Variants in NASP observed in about 807,000 individuals in gnomAD.
NASP encodes the protein nuclear autoantigenic sperm protein.
Under a neutral mutation model 89.5 loss-of-function variants are expected in NASP, and 24 were observed. That is an observed-to-expected ratio of 0.27 (90% confidence interval 0.19 to 0.38). The LOEUF (loss-of-function observed/expected upper bound fraction) is 0.38, where lower values mean the gene tolerates loss of function less well. NASP is among the 10% of genes least tolerant of loss of function. NASP has a pLI of 1.00. For missense variants in NASP, 848 were observed against 921.4 expected, an observed-to-expected ratio of 0.92 and a Z score of 1.03; for synonymous variants, 306 against 324.7, an observed-to-expected ratio of 0.94 and a Z score of 0.62.
intron 3 of NASP, among the ~76,000 whole-genome samples, 198 bp downstream of exon 3, chr1:45,602,563 T>C (rs1277375954): frequency 6.6e-6 from 1 of 151,776 alleles, no homozygotes; most frequent in Non-Finnish European, 1.5e-5. Flanking sequence ...TTTTCCTGAG[T>C]ATGTAATTTG....
chr1:45,591,243 C>T lies in NASP; in HGVS notation c.80C>T (p.Pro27Leu). 6.5e-7 allele frequency: 1 copy of T among 1,545,534 alleles called. No individual in the cohort carries two copies. The highest frequency in any genetic ancestry group is 1.3e-5 in the South Asian group (1 of 78,774). ...SADKIEDVPA[P>L]STSADKVESL... ...TACAGAATTGAAGATGTTCCTGCTC[C>T]TTCTACATCTGCAGATAAAGTGGAG... is the stretch of plus-strand genomic sequence containing the variant. The change falls in exon 2 of 15, where the codon CCT becomes CTT. Residue 27 changes from proline to leucine, a missense_variant. Physicochemically the swap from Pro to Leu is moderately conservative, Grantham distance 98. Around this residue, in one of 5 missense-constraint regions of NASP, gnomAD observed 89 missense variants for 79.2 expected, o/e 1.12. Transcript: ENST00000350030.
rs778891257 is a variant in NASP at position 45,607,575 on chromosome 1, C to A, written c.664C>A (p.Pro222Thr). 3.1e-6 allele frequency: 5 copies of A among 1,613,784 alleles called. No individual in the cohort carries two copies. Among genetic ancestry groups the A allele is most frequent in the Non-Finnish European group, 1.7e-6 (2 of 1,179,858 alleles). Residue 222 changes from proline to threonine, a missense_variant, in exon 6 of 15, where the codon CCG (proline) becomes ACG (threonine). This residue lies in a region of NASP where 464 missense variants were observed against 469.4 expected (regional missense o/e 0.99). Coordinates refer to ENST00000350030, the MANE Select transcript of NASP (RefSeq NM_002482.4). ...AAAAGGAGGAGCAGCACCAGAAGGA[C>A]CGAATGAAGCTGAGGTCACTTCTGG... The part of the protein sequence containing the change: ...EAKGGAAPEG[P>T]NEAEVTSGKP...
chr1:45,586,218 C>T (rs1277297473), intron 1 of NASP, among the ~76,000 whole-genome samples: 1 of 149,530 alleles, frequency 6.7e-6, no homozygotes. Flanking sequence ...CCATCTCGGC[C>T]CCCTGCAGCC....
chr1:45,607,768 T>C lies in NASP; in HGVS notation c.857T>C (p.Leu286Pro). ...EVSEEQPVVT[L>P]EKQGTAVEVE... ...TCAGAAGAGCAGCCTGTGGTGACTC[T>C]AGAAAAGCAGGGCACTGCAGTGGAG... Residue 286 changes from leucine to proline, a missense_variant, in exon 6 of 15, where the codon CTA becomes CCA. Physicochemically the swap from Leu to Pro is moderately conservative, Grantham distance 98 (BLOSUM62 -3). Coordinates refer to ENST00000350030, the MANE Select transcript of NASP (RefSeq NM_002482.4). The C allele has an allele frequency of 1.2e-6, 2 of 1,614,064 alleles. No homozygotes were observed. The highest frequency in any genetic ancestry group is 8.5e-7 in the Non-Finnish European group (1 of 1,180,008).
At chr1:45,606,702 G>A in intron 5 of NASP, 111 bp downstream of exon 5, 2 of 646,856 alleles carry the variant, frequency 3.1e-6, no homozygotes, top group Non-Finnish European at 5.3e-6. Context: ...AAGATGCTTG[G>A]GGTGATGATG....
At position 45,613,153 on chromosome 1, in the gene NASP, G is replaced by A. The variant is rs1178291587; in HGVS notation, c.1427-16G>A. On this transcript the variant is annotated splice_polypyrimidine_tract_variant and intron_variant, in intron 6 of 14. Coordinates refer to ENST00000350030, the MANE Select transcript of NASP (RefSeq NM_002482.4). Reference sequence around the variant, plus strand: ...TCTTAGTTATATTCTCAATACTGAGGAATTTTTACTTGTAGAAACTGAAGG... The same window carrying A: ...TCTTAGTTATATTCTCAATACTGAGAAATTTTTACTTGTAGAAACTGAAGG... 6.3e-7 allele frequency: 1 copy of A among 1,599,274 alleles called. No individual in the cohort carries two copies. The highest frequency in any genetic ancestry group is 1.1e-5 in the South Asian group (1 of 88,674).
intron 2 of NASP, among the ~76,000 whole-genome samples, chr1:45,592,998 A>G (rs1156579387): frequency 1.3e-5 from 2 of 152,310 alleles, no homozygotes; most frequent in Non-Finnish European, 1.5e-5. Flanking sequence ...TTATTTTCAC[A>G]TCACTCTAAT....
At chr1:45,586,295 GTGTGT>G (rs1644546782) in intron 1 of NASP, among the ~76,000 whole-genome samples, 1 of 95,000 alleles carries the variant, frequency 1.1e-5, no homozygotes, top group Non-Finnish European at 2.1e-5. Flanking sequence ...GTGTGTGTGT[GTGTGT>G]GTGTGTGTGG....
intron 6 of NASP, 101 bp from the exon 7 acceptor site, chr1:45,613,068 C>T (rs1644042619): frequency 3.5e-6 from 5 of 1,437,378 alleles, no homozygotes; most frequent in Non-Finnish European, 3.7e-6. Flanking sequence ...AGCATCTGGC[C>T]TGTCCTATCT....
chr1:45,601,193 T>C (rs551031091), intron 2 of NASP, among the ~76,000 whole-genome samples: 3 of 152,314 alleles, frequency 2.0e-5, no homozygotes, highest in East Asian at 3.9e-4. Flanking sequence ...TGATTTTTTT[T>C]CCTCTTGTTA....
chr1:45,604,939 T>A lies in NASP; in HGVS notation c.222T>A (p.Gly74=), dbSNP rs757799601. The A allele has an allele frequency of 6.2e-7, 1 of 1,606,768 alleles. No individual in the cohort carries two copies. The highest frequency in any genetic ancestry group is 1.1e-5 in the South Asian group (1 of 90,828). ...TAGATGTTTATTCTCTTTGTAGAGG[T>A]AAGAAGTATGGAGAGACAGCTAATG... The part of the protein sequence containing the change: ...NAFQEAASLL[G]KKYGETANEC... The change falls in exon 4 of 15, where the codon GGT becomes GGA. Residue 74 remains glycine, a synonymous_variant. Coordinates refer to ENST00000350030, the MANE Select transcript of NASP (RefSeq NM_002482.4).
Position 45,599,091 on chromosome 1 carries a change from C to CT in NASP, c.108-3155dup, listed in dbSNP as rs200776720. 6.5e-4 allele frequency among the ~76,000 whole-genome samples: 98 copies of CT among 151,238 alleles called. 1 individual carries two copies. The East Asian group carries it at 0.016, about 25-fold the overall frequency. On this transcript the variant is annotated intron_variant, in intron 2 of 14. Transcript: ENST00000350030. ...TGTCTAGATTTTTACGGTTTCTTTC[C>CT]TTTTTTTTTAAATAGAGAAAGAGTG...
chr1:45,615,466 A>G lies in NASP; in HGVS notation c.2017A>G (p.Thr673Ala), dbSNP rs189842615. The change falls in exon 11 of 15, where the codon ACT (threonine) becomes GCT (alanine). Residue 673 changes from threonine (T) to alanine (A), a missense_variant. Physicochemically the swap from Thr to Ala is moderately conservative, Grantham distance 58. Around this residue, in one of 5 missense-constraint regions of NASP, gnomAD observed 218 missense variants for 219.6 expected, o/e 0.99. Coordinates refer to ENST00000350030, the MANE Select transcript of NASP (RefSeq NM_002482.4). ...GNVAELALKA[T>A]LVESSTSGFT... ...TGTAGCTGAACTGGCTCTGAAAGCT[A>G]CTCTGGTTGGTTCCGTTAACATTTT... is the stretch of plus-strand genomic sequence containing the variant. 6.2e-7 allele frequency: 1 copy of G among 1,609,888 alleles called. No homozygotes were observed. The highest frequency in any genetic ancestry group is 1.1e-5 in the South Asian group (1 of 90,068).
intron 1 of NASP, among the ~76,000 whole-genome samples, chr1:45,587,821 T>A (rs907139425): frequency 1.3e-5 from 2 of 151,182 alleles, no homozygotes; most frequent in Non-Finnish European, 3.0e-5. Context: ...TAGCTGAGAC[T>A]ACAGTTTACA....
chr1:45,587,687 T>TATATATATATATATATATATATATATA (rs66829841), intron 1 of NASP, among the ~76,000 whole-genome samples: 120 of 78,128 alleles, frequency 1.5e-3, no homozygotes, highest in South Asian at 2.7e-3. Context: ...TATATATATA[T>TATATATATATATATATATATATATATA]AATTAATTTT....
chr1:45,598,136 G>T (rs1643744470), intron 2 of NASP, among the ~76,000 whole-genome samples: 1 of 148,690 alleles, frequency 6.7e-6, no homozygotes. Context: ...AGTTAATCTT[G>T]TCAGTAACAT....
At chr1:45,612,364 A>T (rs1644030262) in intron 6 of NASP, 1 of 152,156 alleles carries the variant, frequency 6.6e-6, no homozygotes, top group Non-Finnish European at 1.5e-5. Context: ...TGGCAGAGAG[A>T]GGCATATTAT....
At chr1:45,617,699 T>C in intron 14 of NASP, 108 bp downstream of exon 14, 3 of 1,299,050 alleles carry the variant, frequency 2.3e-6, no homozygotes, top group East Asian at 2.5e-5. Flanking sequence ...TGCTAACGAT[T>C]GTTGAGTGCA....
intron 1 of NASP, among the ~76,000 whole-genome samples, chr1:45,585,205 A>G (rs1026683895): frequency 2.9e-4 from 44 of 152,234 alleles, no homozygotes; most frequent in African/African-American, 1.0e-3. Context: ...GCTGTTTCCC[A>G]TACAGTAGGT....
Sources: gnomAD v4.1 joint callset for allele counts (sites outside exome capture counted in the v4.1 genomes callset) on GRCh38, gnomAD v4.1.1 for gene constraint, gnomAD v4.1.1 regional missense constraint, MANE v1.5 for transcripts, NCBI Gene and HGNC (gene_info 2026-07-23, HGNC 2026-07-21) for gene names.